CBX3: variants seen among roughly 807,000 people sequenced by gnomAD.
The protein encoded by CBX3 is chromobox protein homolog 3.
A neutral mutation model predicts 22.6 loss-of-function variants in CBX3; 5 were observed. The ratio of observed to expected loss-of-function variants is 0.22; its 90% CI spans 0.12 to 0.47. The LOEUF is 0.47. Ranked by LOEUF, CBX3 falls within the 20% of genes least tolerant of loss-of-function variation. The pLI is 0.99. For missense variants in CBX3, 83 were observed against 208.1 expected, an observed-to-expected ratio of 0.40 and a Z score of 3.70; for synonymous variants, 50 against 66.6, an observed-to-expected ratio of 0.75 and a Z score of 1.21.
rs530051425 is a variant in CBX3, at chr7:26,202,381, G to C, written c.-29+555G>C. 3 of 152,378 alleles carry C rather than the reference G, an allele frequency of 2.0e-5. No individual in the cohort carries two copies. The East Asian group carries it at 5.8e-4, about 29-fold the overall frequency. 9.4% of individuals were successfully genotyped at this position (152,378 alleles called of 1,614,324 possible). ...GACCACGAGGCCCGCGCTCCCGGGT[G>C]GGGGCGGGCACCCGCGCTTAGGCCT... On this transcript the variant is annotated intron_variant, in intron 1 of 5. Coordinates refer to ENST00000396386, the MANE Select transcript of CBX3 (RefSeq NM_016587.4).
At position 26,212,893 on chromosome 7, in the gene CBX3, C is replaced by G. The variant is rs1784841237; in HGVS notation, c.*685C>G. The G allele has an allele frequency of 1.3e-5, 2 of 152,286 alleles. No homozygotes were observed. The highest frequency in any genetic ancestry group is 6.5e-5 in the Admixed American group (1 of 15,290). 9.4% of individuals were successfully genotyped at this position (152,286 alleles called of 1,614,324 possible). On this transcript the variant is annotated 3_prime_UTR_variant, in exon 6 of 6. Coordinates refer to ENST00000396386, the MANE Select transcript of CBX3 (RefSeq NM_016587.4). ...AAAAATTTTATCACTGCCATCACAG[C>G]AGGTTTCCTCATCCAGATGAGGAAA...
chr7:26,202,824 T>G (rs1053487728), intron 1 of CBX3, 147 bp from the exon 2 acceptor site: 2 of 669,844 alleles, frequency 3.0e-6, no homozygotes, highest in African/African-American at 3.6e-5. Flanking sequence ...ATAAGCAATG[T>G]AGGTAGGAGC....
intron 4 of CBX3, among the ~76,000 whole-genome samples, chr7:26,211,431 C>T (rs1265908384): frequency 6.6e-6 from 1 of 152,068 alleles, no homozygotes; most frequent in Non-Finnish European, 1.5e-5. Flanking sequence ...CAGTAATTTT[C>T]TTGACTTTTT....
At chr7:26,203,073 TC>T (rs757886449) in intron 2 of CBX3, 51 bp downstream of exon 2, 17 of 1,219,588 alleles carry the variant, frequency 1.4e-5, no homozygotes, top group East Asian at 1.3e-4. Flanking sequence ...AAGTTTTTTT[TC>T]CCCACAGTAT....
In CBX3 at chr7:26,212,063, T is replaced by C; in HGVS notation, c.426-19T>C. ...AACAACTTCGACTTGTAACTGAATT[T>C]TTCTTTTTCTTAAAACAGGAAAGAT... is the stretch of plus-strand genomic sequence containing the variant. On this transcript the variant is annotated intron_variant, in intron 5 of 5. Coordinates refer to ENST00000396386, the MANE Select transcript of CBX3 (RefSeq NM_016587.4). 6.6e-7 allele frequency: 1 copy of C among 1,504,656 alleles called. No individual in the cohort carries two copies. Among genetic ancestry groups the C allele is most frequent in the East Asian group, 2.4e-5 (1 of 41,104 alleles). 93.2% of individuals were successfully genotyped at this position (1,504,656 alleles called of 1,614,324 possible).
intron 3 of CBX3, among the ~76,000 whole-genome samples, chr7:26,207,308 T>C (rs115238999): frequency 1.7e-3 from 263 of 152,322 alleles, no homozygotes; most frequent in African/African-American, 5.8e-3. Context: ...GAGATTTACG[T>C]TTGCCTGTTT....
chr7:26,202,660 T>C (rs1015368070), intron 1 of CBX3: 2 of 310,356 alleles, frequency 6.4e-6, no homozygotes, highest in African/African-American at 4.4e-5. Flanking sequence ...GGATTGTCCT[T>C]TAAAAATGGA....
Position 26,212,314 on chromosome 7 carries a change from A to C in CBX3, c.*106A>C. The C allele has an allele frequency of 1.4e-6, 1 of 722,746 alleles. No individual in the cohort carries two copies. Among genetic ancestry groups the C allele is most frequent in the African/African-American group, 1.9e-5 (1 of 52,760 alleles). 44.8% of individuals were successfully genotyped at this position (722,746 alleles called of 1,614,324 possible). On this transcript the variant is annotated 3_prime_UTR_variant, in exon 6 of 6. Coordinates refer to ENST00000396386, the MANE Select transcript of CBX3 (RefSeq NM_016587.4). ...AATAACTACATCCTAATGAAAATCA[A>C]GTTTGATATGTTTGTTTTGAAAGTA...
intron 2 of CBX3, among the ~76,000 whole-genome samples, chr7:26,204,981 G>A (rs1784641774): frequency 6.6e-6 from 1 of 151,980 alleles, no homozygotes; most frequent in South Asian, 2.1e-4. Context: ...TAGAAACGGG[G>A]TTTCTCCATG....
intron 2 of CBX3, among the ~76,000 whole-genome samples, chr7:26,203,846 G>C (rs1784608706): frequency 6.6e-6 from 1 of 152,084 alleles, no homozygotes. Context: ...TTTTTAATTT[G>C]TGCCATCATT....
chr7:26,205,793 T>C (rs1252265076), intron 2 of CBX3, among the ~76,000 whole-genome samples: 1 of 152,124 alleles, frequency 6.6e-6, no homozygotes, highest in Non-Finnish European at 1.5e-5. Context: ...CTTGGTCTTT[T>C]AAGACTACAG....
At chr7:26,208,648 C>G (rs1784736234) in intron 4 of CBX3, 93 bp downstream of exon 4, 1 of 1,232,256 alleles carries the variant, frequency 8.1e-7, no homozygotes, top group East Asian at 2.5e-5. Context: ...GAGATGGAGT[C>G]TTGCTCTTGT....
At chr7:26,209,633 T>G (rs1044463544) in intron 4 of CBX3, among the ~76,000 whole-genome samples, 1 of 152,216 alleles carries the variant, frequency 6.6e-6, no homozygotes, top group Non-Finnish European at 1.5e-5. Flanking sequence ...ACACTTTTCT[T>G]GGCATGAATT....
At chr7:26,206,311 A>G in intron 2 of CBX3, 57 bp from the exon 3 acceptor site, 1 of 1,237,350 alleles carries the variant, frequency 8.1e-7, no homozygotes, top group South Asian at 1.4e-5. Context: ...TGAGCCTTGA[A>G]AATGTGCTCA....
At chr7:26,201,624 GGC>G (rs1360396521), upstream of CBX3, 4 of 148,228 alleles carry the variant, frequency 2.7e-5, no homozygotes, top group African/African-American at 9.8e-5. Context: ...CAGCGGGCGC[GGC>G]GCGCGGCCCC....
chr7:26,206,205 T>C, intron 2 of CBX3, 163 bp from the exon 3 acceptor site: 1 of 564,094 alleles, frequency 1.8e-6, no homozygotes. Flanking sequence ...CATTCTTTTA[T>C]TTTATTGTCT....
upstream of CBX3, chr7:26,201,469 G>T (rs953296269): frequency 6.6e-6 from 1 of 152,166 alleles, no homozygotes. Flanking sequence ...CTGCCAAGCA[G>T]AAAAGCCACC....
In CBX3 at chr7:26,206,319, T is replaced by A. The variant is rs369332718; in HGVS notation, c.25-49T>A. ...AAGCAATTGAGCCTTGAAAATGTGCTCAAAATTCAAGAGGAATATTTCTTA... is the reference window on the plus strand; with the variant it reads ...AAGCAATTGAGCCTTGAAAATGTGCACAAAATTCAAGAGGAATATTTCTTA... On this transcript the variant is annotated intron_variant, in intron 2 of 5. Coordinates refer to ENST00000396386, the MANE Select transcript of CBX3 (RefSeq NM_016587.4). 13 of 1,314,894 alleles carry A rather than the reference T, an allele frequency of 9.9e-6. No individual in the cohort carries two copies. In the South Asian group the frequency reaches 1.6e-4, roughly 16 times the overall value. 81.5% of individuals were successfully genotyped at this position (1,314,894 alleles called of 1,614,324 possible).
At chr7:26,207,251 C>T (rs1198591410) in intron 3 of CBX3, among the ~76,000 whole-genome samples, 1 of 152,188 alleles carries the variant, frequency 6.6e-6, no homozygotes, top group African/African-American at 2.4e-5. Context: ...ACTTCCCCTG[C>T]TCTTCACATT....
Sources: allele counts gnomAD v4.1 joint callset (sites outside exome capture counted in the v4.1 genomes callset), GRCh38; gene constraint gnomAD v4.1.1; transcripts MANE v1.5; gene names NCBI Gene and HGNC (gene_info 2026-07-23, HGNC 2026-07-21).